Variants in SPAG9 observed in about 807,000 individuals in gnomAD.
SPAG9 encodes C-Jun-amino-terminal kinase-interacting protein 4.
Under a neutral mutation model 166.5 loss-of-function variants are expected in SPAG9, and 35 were observed. That is an observed-to-expected ratio of 0.21 (90% CI 0.16 to 0.28). The LOEUF (loss-of-function observed/expected upper bound fraction) is 0.28. Ranked by LOEUF, SPAG9 falls within the 10% of genes least tolerant of loss-of-function variation. The pLI is 1.00. For missense variants in SPAG9, 1,235 were observed against 1,603.3 expected, an observed-to-expected ratio of 0.77 and a Z score of 3.92; for synonymous variants, 534 against 565.5, an observed-to-expected ratio of 0.94 and a Z score of 0.79.
rs992466320 is a variant in SPAG9 at position 51,120,234 on chromosome 17, C to T, written c.303+120G>A. 5.7e-6 allele frequency: 5 copies of T among 884,688 alleles called. No individual in the cohort carries two copies. The highest frequency in any genetic ancestry group is 1.8e-5 in the African/African-American group (1 of 55,530). 54.8% of individuals were successfully genotyped at this position (884,688 alleles called of 1,614,324 possible). On this transcript the variant is annotated intron_variant, in intron 1 of 29. Coordinates refer to ENST00000262013, the MANE Select transcript of SPAG9 (RefSeq NM_001130528.3). The surrounding 1 kb of genome is among the most constrained non-coding windows in gnomAD (Gnocchi z 4.7). Reference sequence around the variant, plus strand: ...CGCCGGGATCGGTCCCAGGGGGCATCGGCCTCAGGCCCGCCCTCCAGGAGG... The same window carrying T: ...CGCCGGGATCGGTCCCAGGGGGCATTGGCCTCAGGCCCGCCCTCCAGGAGG...
chr17:51,074,211 G>A (rs1240079033), intron 2 of SPAG9, among the ~76,000 whole-genome samples: 1 of 151,548 alleles, frequency 6.6e-6, no homozygotes, highest in Non-Finnish European at 1.5e-5. Context: ...AGTCCAGACT[G>A]GGCGACAGAG....
intron 1 of SPAG9, among the ~76,000 whole-genome samples, chr17:51,097,115 A>G (rs938528148): frequency 1.3e-5 from 2 of 152,370 alleles, no homozygotes; most frequent in African/African-American, 4.8e-5. Flanking sequence ...ATAAAAACTC[A>G]AAAGAACAAG....
At chr17:51,089,618 T>TA (rs1491121092) in intron 1 of SPAG9, among the ~76,000 whole-genome samples, 7 of 71,284 alleles carry the variant, frequency 9.8e-5, no homozygotes, top group Admixed American at 1.7e-4. Flanking sequence ...ATACACTTTA[T>TA]TTTATATATA....
At chr17:50,980,838 T>C (rs1237112619) in intron 25 of SPAG9, among the ~76,000 whole-genome samples, 1 of 151,844 alleles carries the variant, frequency 6.6e-6, no homozygotes, top group African/African-American at 2.4e-5. Flanking sequence ...TCTCTACAAA[T>C]AAACTAAAGA....
At chr17:51,118,299 T>C (rs1598213824) in intron 1 of SPAG9, among the ~76,000 whole-genome samples, 1 of 152,152 alleles carries the variant, frequency 6.6e-6, no homozygotes. Flanking sequence ...TGAAAAAATA[T>C]AAACTACAAA....
intron 3 of SPAG9, among the ~76,000 whole-genome samples, chr17:51,053,108 T>C (rs1380496438): frequency 6.6e-6 from 1 of 151,604 alleles, no homozygotes; most frequent in Admixed American, 6.6e-5. Flanking sequence ...AATTTAATAA[T>C]TTTCAATTAT....
At chr17:51,018,349 G>C (rs1210882588) in intron 8 of SPAG9, among the ~76,000 whole-genome samples, 1 of 151,388 alleles carries the variant, frequency 6.6e-6, no homozygotes. Context: ...AGGCGACAGA[G>C]CAAGACTGCA....
At chr17:50,990,427 G>C in intron 20 of SPAG9, 23 bp downstream of exon 20, 2 of 1,508,760 alleles carry the variant, frequency 1.3e-6, no homozygotes, top group Non-Finnish European at 1.8e-6. Context: ...TATACAGATG[G>C]CAGGTAAAGA....
intron 3 of SPAG9, among the ~76,000 whole-genome samples, chr17:51,055,345 T>C (rs554135581): frequency 6.6e-6 from 1 of 151,244 alleles, no homozygotes; most frequent in African/African-American, 2.4e-5. Context: ...AGAGCAAGAC[T>C]CTCTCTCTCA....
At chr17:50,976,785 A>T (rs1597889220) in intron 27 of SPAG9, 1 of 194,266 alleles carries the variant, frequency 5.1e-6, no homozygotes, top group East Asian at 1.5e-4. Context: ...AACTAAGATG[A>T]ATGCTAGGTA....
chr17:51,076,043 C>T (rs1390048244), intron 2 of SPAG9, among the ~76,000 whole-genome samples: 1 of 150,754 alleles, frequency 6.6e-6, no homozygotes, highest in Non-Finnish European at 1.5e-5. Context: ...TGCAGTGAGC[C>T]AAGATCGCGC....
Position 51,108,084 on chromosome 17 carries a change from GA to G in SPAG9, c.303+12269del, listed in dbSNP as rs775993771. 5.9e-3 allele frequency among the ~76,000 whole-genome samples: 720 copies of G among 121,200 alleles called. 3 individuals are homozygous for G. Among genetic ancestry groups the G allele is most frequent in the African/African-American group, 0.011 (359 of 32,460 alleles). 79.5% of individuals were successfully genotyped at this position (121,200 alleles called of 152,430 possible). ...GATATCCTGGAAATACATGATTTAAGAAAAAAAAAAAAAAAAGATGGCCATG... is the reference window on the plus strand; with the variant it reads ...GATATCCTGGAAATACATGATTTAAGAAAAAAAAAAAAAAAGATGGCCATG... On this transcript the variant is annotated intron_variant, in intron 1 of 29. Coordinates refer to ENST00000262013, the MANE Select transcript of SPAG9 (RefSeq NM_001130528.3).
At chr17:50,999,006 A>G (rs1354827819) in intron 14 of SPAG9, among the ~76,000 whole-genome samples, 1 of 152,252 alleles carries the variant, frequency 6.6e-6, no homozygotes, top group East Asian at 1.9e-4. Flanking sequence ...TGTGAATGGA[A>G]GCTTAGTATG....
At chr17:51,025,647 T>C (rs1176049973) in intron 6 of SPAG9, among the ~76,000 whole-genome samples, 4 of 152,226 alleles carry the variant, frequency 2.6e-5, no homozygotes, top group Admixed American at 2.6e-4. Context: ...TCCCAGCACT[T>C]TGAGAGGTTG....
intron 2 of SPAG9, among the ~76,000 whole-genome samples, chr17:51,057,070 G>T (rs990362146): frequency 1.3e-5 from 2 of 152,144 alleles, no homozygotes; most frequent in Non-Finnish European, 2.9e-5. Flanking sequence ...GGATTCCACA[G>T]GAAAGAATAA....
intron 25 of SPAG9, among the ~76,000 whole-genome samples, chr17:50,981,558 G>A (rs1312423803): frequency 1.3e-5 from 2 of 151,968 alleles, no homozygotes; most frequent in Admixed American, 1.3e-4. Context: ...TAGATAGATA[G>A]ATAGAATTGA....
intron 5 of SPAG9, among the ~76,000 whole-genome samples, chr17:51,036,373 A>G (rs555479705): frequency 6.6e-6 from 1 of 152,088 alleles, no homozygotes; most frequent in Non-Finnish European, 1.5e-5. Flanking sequence ...TCCTCATTCT[A>G]CTTGACTTCC....
chr17:51,000,341 A>T (rs989593775), intron 13 of SPAG9, among the ~76,000 whole-genome samples: 1 of 152,202 alleles, frequency 6.6e-6, no homozygotes, highest in African/African-American at 2.4e-5. Flanking sequence ...GAACTAAATT[A>T]AAAACATTCT....
intron 4 of SPAG9, among the ~76,000 whole-genome samples, chr17:51,044,561 C>T (rs1441828409): frequency 6.6e-6 from 1 of 152,152 alleles, no homozygotes; most frequent in Non-Finnish European, 1.5e-5. Context: ...GTAAAATCTG[C>T]TTTATATATA....
Sources: gnomAD v4.1 joint callset for allele counts (sites outside exome capture counted in the v4.1 genomes callset) on GRCh38, gnomAD v4.1.1 for gene constraint, Gnocchi (gnomAD v3.1) non-coding constraint, MANE v1.5 for transcripts, NCBI Gene and HGNC (gene_info 2026-07-23, HGNC 2026-07-21) for gene names.